EBF2: variants seen among roughly 807,000 people sequenced by gnomAD.
The protein encoded by EBF2 is EBF transcription factor 2.
EBF2 carries 21 observed loss-of-function variants against 72.8 expected under a neutral mutation model. That is an observed-to-expected ratio of 0.29 (90% CI 0.20 to 0.42). EBF2 has a LOEUF of 0.42. Ranked by LOEUF, EBF2 falls within the 10% of genes least tolerant of loss-of-function variation. The pLI, the probability that EBF2 is intolerant of heterozygous loss-of-function variation, is 1.00. For missense variants in EBF2, 637 were observed against 731.2 expected (o/e 0.87, Z 1.49); for synonymous variants, 299 against 274.2 (o/e 1.09, Z -0.89).
At chr8:26,017,912 G>A (rs914304568) in intron 6 of EBF2, among the ~76,000 whole-genome samples, 5 of 152,128 alleles carry the variant, frequency 3.3e-5, no homozygotes, top group Admixed American at 1.3e-4. Context: ...GGGGTTTCGC[G>A]TATCAGGTTA....
chr8:25,879,364 G>T (rs918473159), intron 10 of EBF2, among the ~76,000 whole-genome samples: 3 of 152,170 alleles, frequency 2.0e-5, no homozygotes, highest in Admixed American at 2.0e-4. Flanking sequence ...AAACTCCCAT[G>T]AACGGTCTTC....
chr8:25,962,167 G>T (rs189654141), intron 6 of EBF2, among the ~76,000 whole-genome samples: 1 of 152,232 alleles, frequency 6.6e-6, no homozygotes, highest in East Asian at 1.9e-4. Flanking sequence ...GTGTTCCTGT[G>T]CATGAAGAGT....
intron 6 of EBF2, among the ~76,000 whole-genome samples, chr8:25,913,801 G>T (rs1179892324): frequency 6.6e-6 from 1 of 152,168 alleles, no homozygotes; most frequent in Admixed American, 6.5e-5. Context: ...ACCACATAGG[G>T]ACTTAAACAC....
intron 6 of EBF2, among the ~76,000 whole-genome samples, chr8:25,977,216 G>A (rs996129900): frequency 6.6e-6 from 1 of 152,286 alleles, no homozygotes; most frequent in East Asian, 1.9e-4. Context: ...GTGAAGGGCA[G>A]GGCGGGGTTT....
rs142973503 is a variant in EBF2, at chr8:26,011,463, T to G, written c.551+21622A>C. ...CAATAAACATTTCTCTTCAGGTGGC[T>G]TTTTTTTTTTTCTCCCTGCCTCAAC... On this transcript the variant is annotated intron_variant, in intron 6 of 15. Coordinates refer to ENST00000520164, the MANE Select transcript of EBF2 (RefSeq NM_022659.4). Among the ~76,000 whole-genome samples, 4 of 148 alleles carry G rather than the reference T, an allele frequency of 0.027. No homozygotes were observed. In the African/African-American group the frequency reaches 0.4, roughly 15 times the overall value. 0.1% of individuals were successfully genotyped at this position (148 alleles called of 152,430 possible). A position where few individuals can be genotyped will look rare whatever the true frequency, so the allele number is the denominator to read the frequency against.
intron 6 of EBF2, among the ~76,000 whole-genome samples, chr8:25,994,038 A>G (rs1212681849): frequency 1.3e-5 from 2 of 152,166 alleles, no homozygotes; most frequent in Non-Finnish European, 2.9e-5. Flanking sequence ...GCTTGACAAG[A>G]TTATTAAAGA....
chr8:26,044,416 G>A lies in EBF2; in HGVS notation c.131+313C>T, dbSNP rs1805665385. 6.6e-6 allele frequency among the ~76,000 whole-genome samples: 1 copy of A among 152,268 alleles called. No homozygotes were observed. Among genetic ancestry groups the A allele is most frequent in the Non-Finnish European group, 1.5e-5 (1 of 68,054 alleles). Reference sequence around the variant, plus strand: ...CGGGGCCAGGCCGGCTCGGCTTGCAGGACTAGGGGCTGAGCTGGGAGATGT... The same window carrying A: ...CGGGGCCAGGCCGGCTCGGCTTGCAAGACTAGGGGCTGAGCTGGGAGATGT... On this transcript the variant is annotated intron_variant, in intron 1 of 15. Transcript: ENST00000520164. The surrounding 1 kb of genome is among the most constrained non-coding windows in gnomAD (Gnocchi z 4.1).
At chr8:26,007,726 C>T (rs1005815288) in intron 6 of EBF2, among the ~76,000 whole-genome samples, 2 of 151,876 alleles carry the variant, frequency 1.3e-5, no homozygotes, top group Non-Finnish European at 2.9e-5. Context: ...CCTGGATTCC[C>T]GGATCAGACA....
intron 6 of EBF2, among the ~76,000 whole-genome samples, chr8:26,021,207 G>A (rs1226650947): frequency 6.6e-6 from 1 of 152,170 alleles, no homozygotes; most frequent in African/African-American, 2.4e-5. Context: ...CAAAAAAGGA[G>A]GGAAGAGACT....
intron 15 of EBF2, among the ~76,000 whole-genome samples, chr8:25,849,389 TAAGAACCCACACTC>T (rs1202697814): frequency 6.6e-6 from 1 of 152,056 alleles, no homozygotes. Context: ...CCAAAAGAAT[TAAGAACCCACACTC>T]TATCATCAAA....
At chr8:25,992,168 G>A (rs1349907723) in intron 6 of EBF2, among the ~76,000 whole-genome samples, 1 of 151,598 alleles carries the variant, frequency 6.6e-6, no homozygotes, top group African/African-American at 2.4e-5. Context: ...GTGAAACCCT[G>A]TCTCTGCTAA....
chr8:26,043,675 C>G (rs897822366), intron 1 of EBF2, among the ~76,000 whole-genome samples: 3 of 152,220 alleles, frequency 2.0e-5, no homozygotes, highest in Non-Finnish European at 4.4e-5. Context: ...TCGCTCTACC[C>G]GGGACACCTG....
intron 6 of EBF2, among the ~76,000 whole-genome samples, chr8:25,911,619 G>A (rs1356671171): frequency 6.6e-6 from 1 of 152,210 alleles, no homozygotes; most frequent in East Asian, 1.9e-4. Context: ...TCTTAACGAA[G>A]GAGTTGAATG....
intron 6 of EBF2, among the ~76,000 whole-genome samples, chr8:26,028,843 T>A (rs1186967835): frequency 3.3e-5 from 5 of 151,426 alleles, no homozygotes; most frequent in Admixed American, 6.6e-5. Flanking sequence ...TGTTTTGTGG[T>A]TTTTTCCCCT....
intron 6 of EBF2, among the ~76,000 whole-genome samples, chr8:25,960,391 C>T (rs748913482): frequency 6.6e-6 from 1 of 152,330 alleles, no homozygotes; most frequent in South Asian, 2.1e-4. Flanking sequence ...CGTAGTACTG[C>T]CCATCATCCC....
intron 13 of EBF2, among the ~76,000 whole-genome samples, chr8:25,860,144 A>G (rs1161519954): frequency 6.6e-6 from 1 of 152,222 alleles, no homozygotes; most frequent in Non-Finnish European, 1.5e-5. Flanking sequence ...CCTTTTAAAA[A>G]TGATTCGTGA....
chr8:25,922,606 T>C (rs1271945064), intron 6 of EBF2, among the ~76,000 whole-genome samples: 3 of 152,344 alleles, frequency 2.0e-5, no homozygotes, highest in South Asian at 2.1e-4. Flanking sequence ...CACATCCATA[T>C]ATTTCATAAA....
chr8:26,043,584 C>G (rs1474517803), intron 1 of EBF2, among the ~76,000 whole-genome samples: 1 of 152,216 alleles, frequency 6.6e-6, no homozygotes, highest in African/African-American at 2.4e-5. Context: ...CCCCGGGCCA[C>G]AGGAGGGAGG....
chr8:25,897,934 A>C (rs950899567), intron 7 of EBF2, among the ~76,000 whole-genome samples: 1 of 152,162 alleles, frequency 6.6e-6, no homozygotes, highest in African/African-American at 2.4e-5. Flanking sequence ...CATTTTAACT[A>C]GAGAAGATAC....
Sources: gnomAD v4.1 joint callset for allele counts (sites outside exome capture counted in the v4.1 genomes callset) on GRCh38, gnomAD v4.1.1 for gene constraint, Gnocchi (gnomAD v3.1) non-coding constraint, MANE v1.5 for transcripts, NCBI Gene and HGNC (gene_info 2026-07-23, HGNC 2026-07-21) for gene names.